NREP: variants seen among roughly 807,000 people sequenced by gnomAD.
NREP encodes the protein neuronal regeneration related protein.
NREP carries 5 observed loss-of-function variants against 8.6 expected under a neutral mutation model. The observed-to-expected ratio is 0.58, with a 90% CI of 0.30 to 1.22. The LOEUF is 1.22. Ranked by LOEUF, NREP falls within the 50% of genes most tolerant of loss-of-function variation. The probability of loss-of-function intolerance (pLI) is 0.07; values close to 1 mark genes in which losing one functional copy is unlikely to be tolerated. For synonymous variants in NREP, 27 were observed against 28.0 expected (o/e 0.96, Z 0.11); for missense variants, 86 against 82.5 (o/e 1.04, Z -0.17).
At chr5:111,802,164 A>G (rs1752028850) in intron 2 of NREP, among the ~76,000 whole-genome samples, 1 of 152,234 alleles carries the variant, frequency 6.6e-6, no homozygotes, top group Admixed American at 6.5e-5. Context: ...TGCTGTTCAG[A>G]GTGATCAGAA....
At chr5:111,859,306 C>T (rs1432115504) in intron 2 of NREP, among the ~76,000 whole-genome samples, 4 of 151,802 alleles carry the variant, frequency 2.6e-5, no homozygotes, top group Admixed American at 2.0e-4. Context: ...TTGTAGCTAG[C>T]CAAAAAAATC....
chr5:111,966,056 G>A (rs991858028), intron 2 of NREP, among the ~76,000 whole-genome samples: 1 of 152,170 alleles, frequency 6.6e-6, no homozygotes, highest in Non-Finnish European at 1.5e-5. Flanking sequence ...CTGTATCAGG[G>A]CAAGTTACAT....
chr5:111,781,350 C>A (rs1226289020), intron 2 of NREP, among the ~76,000 whole-genome samples: 1 of 152,132 alleles, frequency 6.6e-6, no homozygotes, highest in Non-Finnish European at 1.5e-5. Flanking sequence ...GTGAGGAAGT[C>A]CATGCAACAT....
intron 2 of NREP, among the ~76,000 whole-genome samples, chr5:111,737,589 A>G (rs1749242476): frequency 6.6e-6 from 1 of 152,144 alleles, no homozygotes. Context: ...ACACTGCTTT[A>G]ACATTTAACT....
intron 2 of NREP, among the ~76,000 whole-genome samples, chr5:111,859,485 C>A (rs968019695): frequency 6.6e-6 from 1 of 152,044 alleles, no homozygotes; most frequent in African/African-American, 2.4e-5. Context: ...CCCATAAGAT[C>A]TCCTCTGGCT....
In NREP at chr5:111,863,898, A is replaced by T. The variant is rs551950280; in HGVS notation, c.135+111376T>A. 2.0e-5 allele frequency among the ~76,000 whole-genome samples: 3 copies of T among 152,270 alleles called. No individual in the cohort carries two copies. The East Asian group carries it at 5.8e-4, about 29-fold the overall frequency. ...TGTTTGGACTTCCTCATACCTTGGC[A>T]ATTAGATCCAACTGCAAGTGTTCCA... On this transcript the variant is annotated intron_variant, in intron 2 of 3. Transcript: ENST00000395634.
chr5:111,750,469 G>A (rs1750291157), intron 2 of NREP, among the ~76,000 whole-genome samples: 1 of 152,128 alleles, frequency 6.6e-6, no homozygotes. Flanking sequence ...GAATAATAAC[G>A]AGTGTCAAGG....
chr5:111,874,569 G>A (rs1753862155), intron 2 of NREP, among the ~76,000 whole-genome samples: 1 of 152,130 alleles, frequency 6.6e-6, no homozygotes, highest in Non-Finnish European at 1.5e-5. Flanking sequence ...CTGGCATCAG[G>A]AGAATTAGGC....
chr5:111,896,193 G>A (rs75818266), intron 2 of NREP, among the ~76,000 whole-genome samples: 1,797 of 152,220 alleles, frequency 0.012, 81 homozygotes, highest in Admixed American at 0.085. Context: ...TGTGCAAAAC[G>A]TTGACTTGGA....
At chr5:111,903,979 T>A (rs1317922615) in intron 2 of NREP, among the ~76,000 whole-genome samples, 2 of 152,152 alleles carry the variant, frequency 1.3e-5, no homozygotes, top group Non-Finnish European at 2.9e-5. Context: ...ATGAAAGTAA[T>A]TTGTCTATAC....
In NREP at chr5:111,731,056, A is replaced by C; in HGVS notation, c.82-10T>G. On this transcript the variant is annotated splice_polypyrimidine_tract_variant and intron_variant, in intron 3 of 3. Coordinates refer to ENST00000257435, the MANE Select transcript of NREP (RefSeq NM_004772.4). ...GGACAGGAAGTCTTCCCTGCAAAGC[A>C]GGCAGACCCACACACAGACAGACAC... 1 of 1,613,600 alleles carries C rather than the reference A, an allele frequency of 6.2e-7. No individual in the cohort carries two copies. The highest frequency in any genetic ancestry group is 2.2e-5 in the East Asian group (1 of 44,830).
chr5:111,815,320 C>G (rs993869438), intron 2 of NREP, among the ~76,000 whole-genome samples: 1 of 152,078 alleles, frequency 6.6e-6, no homozygotes, highest in Non-Finnish European at 1.5e-5. Context: ...TGAGCCATCC[C>G]CATAACTGAT....
Position 111,914,620 on chromosome 5 carries a change from T to G in NREP, c.135+60654A>C, listed in dbSNP as rs374004894. Among the ~76,000 whole-genome samples, 8 of 152,210 alleles carry G rather than the reference T, an allele frequency of 5.3e-5. No individual in the cohort carries two copies. In the South Asian group the frequency reaches 1.7e-3, roughly 32 times the overall value. On this transcript the variant is annotated intron_variant, in intron 2 of 3. Transcript: ENST00000395634. ...GTTATAAATGACCCTGTCTCCTTTT[T>G]TCGTTGTACTCTCCTGGCAAAACTG...
intron 2 of NREP, among the ~76,000 whole-genome samples, chr5:111,884,700 A>G (rs184029817): frequency 6.6e-6 from 1 of 152,354 alleles, no homozygotes; most frequent in African/African-American, 2.4e-5. Flanking sequence ...AGTCCAGCAT[A>G]TAAACAGAAC....
intron 2 of NREP, among the ~76,000 whole-genome samples, chr5:111,883,526 T>C (rs1318589604): frequency 2.0e-5 from 3 of 152,182 alleles, no homozygotes; most frequent in Non-Finnish European, 2.9e-5. Flanking sequence ...ATACACTTTT[T>C]TCAGCACCAC....
intron 2 of NREP, among the ~76,000 whole-genome samples, chr5:111,900,292 G>C (rs893688660): frequency 4.0e-5 from 6 of 151,864 alleles, no homozygotes; most frequent in African/African-American, 1.2e-4. Flanking sequence ...GCAGTGCTGA[G>C]AGAGATGATA....
chr5:111,901,975 A>C (rs1754657628), intron 2 of NREP, among the ~76,000 whole-genome samples: 1 of 152,176 alleles, frequency 6.6e-6, no homozygotes, highest in Non-Finnish European at 1.5e-5. Context: ...GAACCACAAA[A>C]GACCCCAAAT....
chr5:111,781,034 GT>G (rs1170502599), intron 2 of NREP, among the ~76,000 whole-genome samples: 1 of 152,054 alleles, frequency 6.6e-6, no homozygotes, highest in Non-Finnish European at 1.5e-5. Context: ...AAGTTCAAGG[GT>G]TTTTTATATA....
chr5:111,753,579 G>T (rs1750514623), intron 2 of NREP, among the ~76,000 whole-genome samples: 1 of 151,824 alleles, frequency 6.6e-6, no homozygotes, highest in South Asian at 2.1e-4. Context: ...ATTTGTATTT[G>T]AAATAAGCCC....
Sources: gnomAD v4.1 joint callset for allele counts (sites outside exome capture counted in the v4.1 genomes callset) on GRCh38, gnomAD v4.1.1 for gene constraint, MANE v1.5 for transcripts, NCBI Gene and HGNC (gene_info 2026-07-23, HGNC 2026-07-21) for gene names.